ZSWIM5: variants seen among roughly 807,000 people sequenced by gnomAD.
ZSWIM5 encodes zinc finger SWIM domain-containing protein 5.
In ZSWIM5, 55 loss-of-function variants were observed where a neutral mutation model predicts 119.6. The observed-to-expected ratio is 0.46, with a 90% CI of 0.37 to 0.58. The LOEUF is 0.58. ZSWIM5 is among the 20% of genes least tolerant of loss of function. The probability of loss-of-function intolerance (pLI) is 0.00; values close to 1 mark genes in which losing one functional copy is unlikely to be tolerated. For missense variants in ZSWIM5, 1,193 were observed against 1,512.8 expected, an observed-to-expected ratio of 0.79 and a Z score of 3.51; for synonymous variants, 537 against 606.9, an observed-to-expected ratio of 0.88 and a Z score of 1.69.
At chr1:45,045,568 C>T (rs1221672136) in intron 5 of ZSWIM5, among the ~76,000 whole-genome samples, 1 of 152,176 alleles carries the variant, frequency 6.6e-6, no homozygotes, top group Admixed American at 6.6e-5. Flanking sequence ...GAAATTGCTT[C>T]TCCTTCATGT....
In ZSWIM5 at chr1:45,193,588, T is replaced by C. The variant is rs1646104522; in HGVS notation, c.595+12168A>G. Among the ~76,000 whole-genome samples the C allele has an allele frequency of 2.0e-5, 3 of 152,126 alleles. No homozygotes were observed. In the South Asian group the frequency reaches 6.2e-4, roughly 32 times the overall value. On this transcript the variant is annotated intron_variant, in intron 1 of 13. Coordinates refer to ENST00000359600, the MANE Select transcript of ZSWIM5 (RefSeq NM_020883.2). ...AAAAAGATACTGTGTTTGGCAATCA[T>C]GAGGTCACTAGCGACCTTTAAGAGA...
In ZSWIM5 at chr1:45,170,266, C is replaced by A. The variant is rs190611423; in HGVS notation, c.595+35490G>T. Among the ~76,000 whole-genome samples the A allele has an allele frequency of 3.6e-4, 54 of 152,054 alleles. No individual in the cohort carries two copies. In the Middle Eastern group the frequency reaches 0.014, roughly 38 times the overall value. On this transcript the variant is annotated intron_variant, in intron 1 of 13. Transcript: ENST00000359600. ...TATTTAAGAAACAATTATTTTGAAT[C>A]CTCAACAGTAATGAGATATTCCCTC...
intron 5 of ZSWIM5, among the ~76,000 whole-genome samples, chr1:45,044,202 A>AAGAGAGAG (rs35643162): frequency 1.4e-5 from 2 of 144,056 alleles, no homozygotes; most frequent in African/African-American, 2.6e-5. Context: ...AAAAAAAAAA[A>AAGAGAGAG]AGAGAGAGAG....
chr1:45,077,831 C>T (rs1004175771), intron 2 of ZSWIM5, among the ~76,000 whole-genome samples: 5 of 152,218 alleles, frequency 3.3e-5, no homozygotes, highest in African/African-American at 1.2e-4. Flanking sequence ...AAGAATTCAG[C>T]GATATTTCTC....
chr1:45,180,908 G>C (rs1476828954), intron 1 of ZSWIM5, among the ~76,000 whole-genome samples: 2 of 152,024 alleles, frequency 1.3e-5, no homozygotes, highest in Non-Finnish European at 2.9e-5. Context: ...AAACAGAAAG[G>C]ACATCCACAC....
At chr1:45,054,386 CA>C (rs1377130343) in intron 4 of ZSWIM5, among the ~76,000 whole-genome samples, 1 of 151,756 alleles carries the variant, frequency 6.6e-6, no homozygotes, top group Non-Finnish European at 1.5e-5. Flanking sequence ...AGTTTGAGAC[CA>C]GCCTGGCCAA....
intron 1 of ZSWIM5, among the ~76,000 whole-genome samples, chr1:45,153,002 TACTC>T (rs1420388883): frequency 6.9e-6 from 1 of 144,128 alleles, no homozygotes; most frequent in Non-Finnish European, 1.5e-5. Flanking sequence ...CATGAAAAAA[TACTC>T]AACATCACTA....
At chr1:45,070,024 T>C (rs1645211919) in intron 2 of ZSWIM5, 1 of 776,640 alleles carries the variant, frequency 1.3e-6, no homozygotes, top group Admixed American at 1.7e-5. Context: ...AATACTTGAG[T>C]AGCTATGAAA....
In ZSWIM5 at chr1:45,093,613, C is replaced by T. The variant is rs1383801429; in HGVS notation, c.596-5376G>A. ...GCTCTGAGTGGCTCTGGGTAAGTTTCCTTGTTGGGAGTTTCTTTTTCCCCT... is the reference window on the plus strand; with the variant it reads ...GCTCTGAGTGGCTCTGGGTAAGTTTTCTTGTTGGGAGTTTCTTTTTCCCCT... On this transcript the variant is annotated intron_variant, in intron 1 of 13. Coordinates refer to ENST00000359600, the MANE Select transcript of ZSWIM5 (RefSeq NM_020883.2). 2.6e-5 allele frequency among the ~76,000 whole-genome samples: 4 copies of T among 152,266 alleles called. No individual in the cohort carries two copies. In the East Asian group the frequency reaches 7.7e-4, roughly 29 times the overall value.
chr1:45,065,856 T>TA (rs1056866463), intron 2 of ZSWIM5, among the ~76,000 whole-genome samples: 1 of 152,132 alleles, frequency 6.6e-6, no homozygotes, highest in African/African-American at 2.4e-5. Context: ...TCTTTTTTTT[T>TA]AATTCTAATT....
rs1383600323 is a variant in ZSWIM5 at position 45,038,988 on chromosome 1, G to A, written c.1842C>T (p.Leu614=). The A allele has an allele frequency of 1.2e-6, 2 of 1,614,150 alleles. No homozygotes were observed. Among genetic ancestry groups the A allele is most frequent in the Non-Finnish European group, 1.7e-6 (2 of 1,180,038 alleles). ...HPLDPIDCLF[L]TLTEACRLND... is the part of the protein sequence containing the mutation. ...TCAGGCGGCAGGCCTCAGTCAAAGT[G>A]AGAAACAGGCAGTCGATGGGATCCA... is the stretch of plus-strand genomic sequence containing the variant. The change falls in exon 8 of 14, where the codon CTC becomes CTT. Residue 614 remains leucine (L), a synonymous_variant. Transcript: ENST00000359600.
intron 1 of ZSWIM5, among the ~76,000 whole-genome samples, chr1:45,179,806 C>G (rs1246342786): frequency 6.6e-6 from 1 of 152,120 alleles, no homozygotes; most frequent in East Asian, 1.9e-4. Context: ...GATTAAGATT[C>G]TTCAGATGTA....
At chr1:45,100,680 T>C (rs1414365076) in intron 1 of ZSWIM5, among the ~76,000 whole-genome samples, 5 of 152,122 alleles carry the variant, frequency 3.3e-5, no homozygotes, top group East Asian at 3.9e-4. Context: ...CAAAACAATA[T>C]GGTACTGGTA....
At chr1:45,046,251 T>C (rs1214794043) in intron 5 of ZSWIM5, among the ~76,000 whole-genome samples, 1 of 152,102 alleles carries the variant, frequency 6.6e-6, no homozygotes, top group African/African-American at 2.4e-5. Context: ...GAATAGGTTA[T>C]AAGGTGGAAG....
rs950374110 is a variant in ZSWIM5, at chr1:45,182,569, G to T, written c.595+23187C>A. Among the ~76,000 whole-genome samples, 1,443 of 151,980 alleles carry T rather than the reference G, an allele frequency of 9.5e-3. 29 individuals are homozygous for T. Among genetic ancestry groups the T allele is most frequent in the African/African-American group, 0.033 (1,384 of 41,460 alleles). Reference sequence around the variant, plus strand: ...ATGGAGGAAGATCTGCCAAGCAAATGGAAAACAAAAAAAGGCAGGGGTTGC... The same window carrying T: ...ATGGAGGAAGATCTGCCAAGCAAATTGAAAACAAAAAAAGGCAGGGGTTGC... On this transcript the variant is annotated intron_variant, in intron 1 of 13. Coordinates refer to ENST00000359600, the MANE Select transcript of ZSWIM5 (RefSeq NM_020883.2).
At chr1:45,189,122 C>T (rs1282207618) in intron 1 of ZSWIM5, among the ~76,000 whole-genome samples, 1 of 152,092 alleles carries the variant, frequency 6.6e-6, no homozygotes, top group Non-Finnish European at 1.5e-5. Context: ...CAAGACCAGC[C>T]TGACCAACAT....
intron 5 of ZSWIM5, among the ~76,000 whole-genome samples, chr1:45,046,093 G>A (rs145750842): frequency 6.3e-4 from 96 of 152,140 alleles, no homozygotes; most frequent in African/African-American, 2.3e-3. Context: ...ACATATTAGA[G>A]AACTAGATCA....
intron 2 of ZSWIM5, 68 bp from the exon 3 acceptor site, chr1:45,060,315 A>G: frequency 6.5e-7 from 1 of 1,543,400 alleles, no homozygotes; most frequent in Non-Finnish European, 8.8e-7. Flanking sequence ...CTGGAGGGGC[A>G]CTTTGTGAGC....
In ZSWIM5 at chr1:45,205,769, G is replaced by A. The variant is rs759511515; in HGVS notation, c.582C>T (p.Asn194=). 1 of 1,567,722 alleles carries A rather than the reference G, an allele frequency of 6.4e-7. No individual in the cohort carries two copies. Among genetic ancestry groups the A allele is most frequent in the South Asian group, 1.1e-5 (1 of 87,082 alleles). ...ACGAGCACATACCGACTTGCAGCAC[G>A]TTCTCCACGGAGCCGCTGTCCAGCA... ...IRLLDSGSVE[N]VLQVGFHLSG... Residue 194 remains asparagine, a synonymous_variant, in exon 1 of 14, where the codon AAC becomes AAT. Coordinates refer to ENST00000359600, the MANE Select transcript of ZSWIM5 (RefSeq NM_020883.2).
Sources: gnomAD v4.1 joint callset for allele counts (sites outside exome capture counted in the v4.1 genomes callset) on GRCh38, gnomAD v4.1.1 for gene constraint, MANE v1.5 for transcripts, NCBI Gene and HGNC (gene_info 2026-07-23, HGNC 2026-07-21) for gene names.